Variants in AGO3 observed in about 807,000 individuals in gnomAD.
AGO3 encodes the protein argonaute RISC catalytic component 3.
A neutral mutation model predicts 105.5 loss-of-function variants in AGO3; 16 were observed. The ratio of observed to expected loss-of-function variants is 0.15; its 90% CI spans 0.10 to 0.23. AGO3 has a LOEUF of 0.23. Among genes scored for constraint, AGO3 ranks in the 10% least tolerant of loss-of-function variants. The pLI is 1.00. For synonymous variants in AGO3, 340 were observed against 367.3 expected (o/e 0.93, Z 0.85); for missense variants, 534 against 1,088.0 (o/e 0.49, Z 7.16).
chr1:36,021,627 G>C (rs1365178532), intron 11 of AGO3, among the ~76,000 whole-genome samples: 1 of 152,022 alleles, frequency 6.6e-6, no homozygotes, highest in African/African-American at 2.4e-5. Flanking sequence ...TTAATTTGAG[G>C]TCAAAAAAAG....
intron 2 of AGO3, among the ~76,000 whole-genome samples, chr1:35,949,400 G>C (rs1476310266): frequency 6.6e-6 from 1 of 152,148 alleles, no homozygotes; most frequent in Non-Finnish European, 1.5e-5. Context: ...AGTTTTTACA[G>C]TATTACTGCA....
rs1318911788 is a variant in AGO3 at position 36,062,350 on chromosome 1, G to T, written c.*6605G>T. On this transcript the variant is annotated 3_prime_UTR_variant, in exon 19 of 19. Coordinates refer to ENST00000373191, the MANE Select transcript of AGO3 (RefSeq NM_024852.4). ...GCCCTAATTAGTCATTATTAAGGAG[G>T]ACTGCTCATAAAGGCAGTACCAAAT... 1 of 151,910 alleles carries T rather than the reference G, an allele frequency of 6.6e-6. No homozygotes were observed. The highest frequency in any genetic ancestry group is 1.9e-4 in the East Asian group (1 of 5,186). The allele number at this position is 151,910 out of a possible 1,614,324, so 9.4% of individuals were successfully genotyped here.
At chr1:35,983,728 T>G (rs1647103432) in intron 5 of AGO3, among the ~76,000 whole-genome samples, 2 of 152,250 alleles carry the variant, frequency 1.3e-5, no homozygotes, top group Non-Finnish European at 2.9e-5. Flanking sequence ...CTCTCCAATG[T>G]ACATTCAGAG....
At position 36,055,588 on chromosome 1, in the gene AGO3, C is replaced by A; in HGVS notation, c.2475-49C>A. On this transcript the variant is annotated intron_variant, in intron 18 of 18. Transcript: ENST00000373191. This position sits in a 1 kb window ranked among gnomAD's most constrained non-coding sequence, Gnocchi z 4.4. ...CAAATAGTATTTTTCGGAATTATTA[C>A]ATCAGAATAGAAAGTTTGTTTTTGT... is the stretch of plus-strand genomic sequence containing the variant. 6.5e-7 allele frequency: 1 copy of A among 1,532,194 alleles called. No individual in the cohort carries two copies. Among genetic ancestry groups the A allele is most frequent in the Non-Finnish European group, 9.0e-7 (1 of 1,109,282 alleles). 94.9% of individuals were successfully genotyped at this position (1,532,194 alleles called of 1,614,324 possible).
chr1:36,045,838 G>A (rs1323304123), intron 17 of AGO3, among the ~76,000 whole-genome samples: 1 of 152,072 alleles, frequency 6.6e-6, no homozygotes, highest in Non-Finnish European at 1.5e-5. Flanking sequence ...TCACTGCACT[G>A]GGCCAAACAA....
chr1:36,063,754 A>G lies in AGO3; in HGVS notation c.*8009A>G, dbSNP rs1464431941. The G allele has an allele frequency of 4.6e-5, 7 of 152,236 alleles. No individual in the cohort carries two copies. Among genetic ancestry groups the G allele is most frequent in the Non-Finnish European group, 1.0e-4 (7 of 68,044 alleles). The allele number at this position is 152,236 out of a possible 1,614,324, so 9.4% of individuals were successfully genotyped here. On this transcript the variant is annotated 3_prime_UTR_variant, in exon 19 of 19. Coordinates refer to ENST00000373191, the MANE Select transcript of AGO3 (RefSeq NM_024852.4). ...TATAGAATATTAAGTTCAATTATAT[A>G]TAGACAGTCCAGTTTCCTAGTGAAT...
chr1:35,991,263 C>T (rs918287004), intron 5 of AGO3, among the ~76,000 whole-genome samples: 1 of 152,052 alleles, frequency 6.6e-6, no homozygotes, highest in African/African-American at 2.4e-5. Context: ...CCACTGCACC[C>T]AGCTTGGGCG....
At chr1:35,941,032 A>G (rs985518886) in intron 1 of AGO3, among the ~76,000 whole-genome samples, 3 of 152,058 alleles carry the variant, frequency 2.0e-5, no homozygotes, top group Non-Finnish European at 2.9e-5. Context: ...ACACTCATCT[A>G]ACTGCTTACT....
At chr1:36,004,737 ATG>A (rs1169500720) in intron 6 of AGO3, among the ~76,000 whole-genome samples, 1 of 152,170 alleles carries the variant, frequency 6.6e-6, no homozygotes, top group Non-Finnish European at 1.5e-5. Flanking sequence ...AGGGATAAGA[ATG>A]TCTCATGGGA....
chr1:35,979,364 GA>G lies in AGO3; in HGVS notation c.658+5864del, dbSNP rs894518084. Among the ~76,000 whole-genome samples, 49 of 145,480 alleles carry G rather than the reference GA, an allele frequency of 3.4e-4. 1 individual carries two copies. The highest frequency in any genetic ancestry group is 8.5e-4 in the African/African-American group (34 of 39,980). ...TGGGACAGAATGAGACTCCTTCTCA[GA>G]AAAAAAAAAATGTGGTTTGTATTTT... On this transcript the variant is annotated intron_variant, in intron 5 of 18. Coordinates refer to ENST00000373191, the MANE Select transcript of AGO3 (RefSeq NM_024852.4).
At chr1:36,028,401 C>G (rs1024446777) in intron 12 of AGO3, among the ~76,000 whole-genome samples, 2 of 113,066 alleles carry the variant, frequency 1.8e-5, no homozygotes, top group African/African-American at 3.4e-5. Context: ...TCCCCCCCCC[C>G]CACCCCACAA....
At chr1:35,933,289 TGTATATAATTG>T (rs1646087842) in intron 1 of AGO3, among the ~76,000 whole-genome samples, 1 of 152,180 alleles carries the variant, frequency 6.6e-6, no homozygotes, top group South Asian at 2.1e-4. Context: ...TCCTGAGACT[TGTATATAATTG>T]GTATGCTTAG....
chr1:35,990,274 C>T (rs914084056), intron 5 of AGO3, among the ~76,000 whole-genome samples: 3 of 152,132 alleles, frequency 2.0e-5, no homozygotes, highest in East Asian at 3.9e-4. Context: ...TTTGGGAGGC[C>T]GAGGGGGGTG....
intron 4 of AGO3, 48 bp downstream of exon 4, chr1:35,972,280 T>A (rs1646883229): frequency 6.3e-7 from 1 of 1,582,112 alleles, no homozygotes. Context: ...CTCCCAAGAA[T>A]GAATTGTGCA....
intron 2 of AGO3, among the ~76,000 whole-genome samples, chr1:35,947,653 T>A (rs766214090): frequency 6.6e-6 from 1 of 152,190 alleles, no homozygotes; most frequent in Non-Finnish European, 1.5e-5. Flanking sequence ...TCTAGAGGGC[T>A]GTTTTCCTGA....
At chr1:35,954,382 GTAT>G (rs1255476064) in intron 2 of AGO3, among the ~76,000 whole-genome samples, 2 of 152,046 alleles carry the variant, frequency 1.3e-5, no homozygotes, top group Admixed American at 6.5e-5. Flanking sequence ...AGTACATAAG[GTAT>G]TATTACCAAC....
chr1:35,994,932 A>G (rs1648130480), intron 5 of AGO3, among the ~76,000 whole-genome samples: 1 of 151,986 alleles, frequency 6.6e-6, no homozygotes, highest in South Asian at 2.1e-4. Context: ...ACTCAATACA[A>G]TAGAAATCCC....
At chr1:35,964,090 A>G (rs1163985506) in intron 2 of AGO3, among the ~76,000 whole-genome samples, 1 of 152,144 alleles carries the variant, frequency 6.6e-6, no homozygotes, top group African/African-American at 2.4e-5. Flanking sequence ...AAAATTGTAT[A>G]TGTGTATGTA....
chr1:36,022,062 C>CTT (rs34538981), intron 11 of AGO3, among the ~76,000 whole-genome samples: 4,504 of 110,234 alleles, frequency 0.041, 243 homozygotes, highest in Non-Finnish European at 0.056. Flanking sequence ...AGTTGGGGGC[C>CTT]TTTTTTTTTT....
Sources: allele counts gnomAD v4.1 joint callset (sites outside exome capture counted in the v4.1 genomes callset), GRCh38; gene constraint gnomAD v4.1.1; non-coding constraint Gnocchi (gnomAD v3.1); transcripts MANE v1.5; gene names NCBI Gene and HGNC (gene_info 2026-07-23, HGNC 2026-07-21).